Variants in RSPO2 observed in about 807,000 individuals in gnomAD.
RSPO2 encodes R-spondin-2.
RSPO2 carries 14 observed loss-of-function variants against 30.9 expected under a neutral mutation model. That is an observed-to-expected ratio of 0.45 (90% CI 0.30 to 0.71). The LOEUF is 0.71. Among genes scored for constraint, RSPO2 ranks in the 30% least tolerant of loss-of-function variants. RSPO2 has a pLI of 0.08. For missense variants in RSPO2, 264 were observed against 301.9 expected (o/e 0.87, Z 0.93); for synonymous variants, 107 against 96.4 (o/e 1.11, Z -0.64).
chr8:107,964,131 T>G (rs1280683062), intron 3 of RSPO2, among the ~76,000 whole-genome samples: 1 of 152,262 alleles, frequency 6.6e-6, no homozygotes, highest in Non-Finnish European at 1.5e-5. Context: ...TCTTTGCCAC[T>G]GCATAAAACC....
intron 2 of RSPO2, among the ~76,000 whole-genome samples, chr8:108,061,538 A>G (rs201918610): frequency 2.0e-5 from 3 of 151,270 alleles, no homozygotes; most frequent in Non-Finnish European, 2.9e-5. Flanking sequence ...CATAAAGCAA[A>G]TCCTTAGAGA....
chr8:108,036,136 C>A lies in RSPO2; in HGVS notation c.94+46409G>T, dbSNP rs998177932. On this transcript the variant is annotated intron_variant, in intron 2 of 5. Coordinates refer to ENST00000276659, the MANE Select transcript of RSPO2 (RefSeq NM_178565.5). ...TAAACTAATACAGGTGATTTGCTAT[C>A]CTTAGAGATATTAAGCAAATAAAAC... 3.3e-5 allele frequency among the ~76,000 whole-genome samples: 5 copies of A among 152,098 alleles called. No individual in the cohort carries two copies. In the East Asian group the frequency reaches 9.6e-4, roughly 29 times the overall value.
chr8:108,037,785 C>T (rs1811641775), intron 2 of RSPO2, among the ~76,000 whole-genome samples: 1 of 152,090 alleles, frequency 6.6e-6, no homozygotes, highest in Admixed American at 6.5e-5. Context: ...TCTGCCTGTG[C>T]TCTATAAGTG....
At chr8:107,950,979 C>T (rs1275257925) in intron 5 of RSPO2, among the ~76,000 whole-genome samples, 2 of 151,724 alleles carry the variant, frequency 1.3e-5, no homozygotes, top group African/African-American at 2.4e-5. Flanking sequence ...AAATTGACTG[C>T]TCTTTTTATC....
chr8:107,906,236 T>C (rs1811634681), intron 5 of RSPO2, among the ~76,000 whole-genome samples: 2 of 151,934 alleles, frequency 1.3e-5, no homozygotes, highest in South Asian at 4.1e-4. Context: ...GGATCTTTAA[T>C]ACTGAAAAAA....
At chr8:107,987,258 A>G (rs1385439882) in intron 3 of RSPO2, among the ~76,000 whole-genome samples, 2 of 152,210 alleles carry the variant, frequency 1.3e-5, no homozygotes, top group African/African-American at 2.4e-5. Flanking sequence ...CTAATCTGCA[A>G]TCATTATAAT....
At chr8:108,080,265 T>C (rs1241412334) in intron 2 of RSPO2, among the ~76,000 whole-genome samples, 1 of 152,228 alleles carries the variant, frequency 6.6e-6, no homozygotes, top group Non-Finnish European at 1.5e-5. Context: ...GTACAGATAG[T>C]GTGGTCACTT....
intron 2 of RSPO2, among the ~76,000 whole-genome samples, chr8:108,063,519 A>G (rs1812547392): frequency 6.6e-6 from 1 of 151,858 alleles, no homozygotes; most frequent in African/African-American, 2.4e-5. Flanking sequence ...CCACTGCTCA[A>G]TGAAATAAAA....
intron 2 of RSPO2, among the ~76,000 whole-genome samples, chr8:108,075,122 TG>T (rs1245383046): frequency 1.3e-5 from 2 of 152,232 alleles, no homozygotes; most frequent in African/African-American, 4.8e-5. Flanking sequence ...TTCATTCATA[TG>T]GTCAAAGTGT....
At chr8:107,972,462 G>A (rs944544718) in intron 3 of RSPO2, among the ~76,000 whole-genome samples, 3 of 151,936 alleles carry the variant, frequency 2.0e-5, no homozygotes, top group African/African-American at 7.3e-5. Flanking sequence ...GTATATTTTA[G>A]TGTAATAGCA....
At chr8:108,071,657 T>A (rs1226731559) in intron 2 of RSPO2, among the ~76,000 whole-genome samples, 1 of 152,198 alleles carries the variant, frequency 6.6e-6, no homozygotes, top group Non-Finnish European at 1.5e-5. Context: ...AACCTACAGC[T>A]ATTCTCCCCC....
chr8:107,950,680 T>C lies in RSPO2; in HGVS notation c.616+7400A>G, dbSNP rs1813212558. Among the ~76,000 whole-genome samples the C allele has an allele frequency of 2.0e-5, 3 of 151,978 alleles. No homozygotes were observed. In the South Asian group the frequency reaches 6.2e-4, roughly 32 times the overall value. ...AGTATTAACACAAAGTAACATTAGG[T>C]CTGAGTATCATATCAACAGGTCAGT... On this transcript the variant is annotated intron_variant, in intron 5 of 5. Coordinates refer to ENST00000276659, the MANE Select transcript of RSPO2 (RefSeq NM_178565.5).
intron 2 of RSPO2, among the ~76,000 whole-genome samples, chr8:108,074,130 A>C (rs1412027904): frequency 2.0e-5 from 3 of 152,206 alleles, no homozygotes; most frequent in Non-Finnish European, 4.4e-5. Context: ...CCCCAAGTTA[A>C]GAAACCCTTC....
intron 3 of RSPO2, among the ~76,000 whole-genome samples, chr8:107,970,046 A>G (rs1813941170): frequency 6.6e-6 from 1 of 152,180 alleles, no homozygotes; most frequent in South Asian, 2.1e-4. Flanking sequence ...AACAAGAAGA[A>G]TACCTTAATC....
rs773747773 is a variant in RSPO2 at position 108,082,657 on chromosome 8, G to T, written c.-19C>A. 6.2e-7 allele frequency: 1 copy of T among 1,601,034 alleles called. No individual in the cohort carries two copies. Among genetic ancestry groups the T allele is most frequent in the Non-Finnish European group, 8.6e-7 (1 of 1,168,362 alleles). ...ACTGCATCTGGGCGGTCGGGCGGGG[G>T]AGAGACGCCTCTCAAAGTCTAGGAA... On this transcript the variant is annotated 5_prime_UTR_variant, in exon 2 of 6. Coordinates refer to ENST00000276659, the MANE Select transcript of RSPO2 (RefSeq NM_178565.5).
intron 2 of RSPO2, among the ~76,000 whole-genome samples, chr8:108,072,348 CAG>C (rs1812874427): frequency 1.0e-5 from 1 of 98,538 alleles, no homozygotes; most frequent in African/African-American, 4.6e-5. Flanking sequence ...TTTTTTGAGA[CAG>C]AGTCTCGCTC....
At position 107,961,259 on chromosome 8, in the gene RSPO2, T is replaced by G. The variant is rs114168861; in HGVS notation, c.284-442A>C. Among the ~76,000 whole-genome samples the G allele has an allele frequency of 4.3e-3, 661 of 152,318 alleles. 5 individuals carry two copies. Among genetic ancestry groups the G allele is most frequent in the African/African-American group, 0.012 (492 of 41,562 alleles). On this transcript the variant is annotated intron_variant, in intron 3 of 5. Coordinates refer to ENST00000276659, the MANE Select transcript of RSPO2 (RefSeq NM_178565.5). Reference sequence around the variant, plus strand: ...TTTTAATTTTTAAAATGTTTTAAAATGCATGGTCTATTTTACAGGGCACTG... The same window carrying G: ...TTTTAATTTTTAAAATGTTTTAAAAGGCATGGTCTATTTTACAGGGCACTG...
At chr8:108,007,987 A>G (rs973231057) in intron 2 of RSPO2, among the ~76,000 whole-genome samples, 1 of 152,178 alleles carries the variant, frequency 6.6e-6, no homozygotes, top group Non-Finnish European at 1.5e-5. Flanking sequence ...GCCTGACTCA[A>G]AAAAAGAAAA....
intron 2 of RSPO2, among the ~76,000 whole-genome samples, chr8:108,014,844 T>TAAA (rs5893898): frequency 3.0e-4 from 32 of 106,466 alleles, no homozygotes; most frequent in South Asian, 2.6e-3. Flanking sequence ...TAAAGTATAA[T>TAAA]AAAAAAAAAA....
Sources: gnomAD v4.1 joint callset for allele counts (sites outside exome capture counted in the v4.1 genomes callset) on GRCh38, gnomAD v4.1.1 for gene constraint, MANE v1.5 for transcripts, NCBI Gene and HGNC (gene_info 2026-07-23, HGNC 2026-07-21) for gene names.